Variants in ZDHHC17 observed in about 807,000 individuals in gnomAD.
ZDHHC17 encodes palmitoyltransferase ZDHHC17.
Under a neutral mutation model 90.3 loss-of-function variants are expected in ZDHHC17, and 40 were observed. The observed-to-expected ratio is 0.44, with a 90% CI of 0.34 to 0.58. The LOEUF is 0.58. Ranked by LOEUF, ZDHHC17 falls within the 20% of genes least tolerant of loss-of-function variation. ZDHHC17 has a pLI of 0.01. For synonymous variants in ZDHHC17, 235 were observed against 252.4 expected (o/e 0.93, Z 0.65); for missense variants, 614 against 780.8 (o/e 0.79, Z 2.55).
chr12:76,812,452 T>A (rs1953035938), intron 5 of ZDHHC17, among the ~76,000 whole-genome samples: 1 of 152,190 alleles, frequency 6.6e-6, no homozygotes, highest in Admixed American at 6.6e-5. Flanking sequence ...AGATGGTTGC[T>A]CAAATTTTAT....
At chr12:76,824,711 G>A (rs1170882914) in intron 8 of ZDHHC17, among the ~76,000 whole-genome samples, 19 of 151,864 alleles carry the variant, frequency 1.3e-4, no homozygotes, top group Admixed American at 1.2e-3. Flanking sequence ...CAGGCGTGGT[G>A]GTGCGCCTAT....
intron 1 of ZDHHC17, among the ~76,000 whole-genome samples, chr12:76,792,134 C>T (rs1952766085): frequency 6.6e-6 from 1 of 152,140 alleles, no homozygotes; most frequent in Non-Finnish European, 1.5e-5. Flanking sequence ...CTTGGTCATT[C>T]TAGTCACCAG....
chr12:76,821,380 T>TC (rs1953161197), intron 7 of ZDHHC17, among the ~76,000 whole-genome samples: 3 of 152,134 alleles, frequency 2.0e-5, no homozygotes. Flanking sequence ...GTGGCAGTGG[T>TC]GTGTTTTATT....
chr12:76,849,583 C>A, intron 16 of ZDHHC17, 113 bp downstream of exon 16: 1 of 623,906 alleles, frequency 1.6e-6, no homozygotes, highest in South Asian at 2.2e-5. Flanking sequence ...TTTAAGATTT[C>A]TGTAGAAATA....
chr12:76,805,568 C>A, intron 3 of ZDHHC17, 129 bp downstream of exon 3: 1 of 881,126 alleles, frequency 1.1e-6, no homozygotes, highest in Non-Finnish European at 1.7e-6. Context: ...TTCTGTGTAC[C>A]TTGTTTTTCT....
intron 3 of ZDHHC17, among the ~76,000 whole-genome samples, chr12:76,807,703 G>T (rs926766454): frequency 6.6e-6 from 1 of 152,158 alleles, no homozygotes; most frequent in Non-Finnish European, 1.5e-5. Flanking sequence ...ATTGCTCACT[G>T]ACATGGACCT....
At chr12:76,821,515 A>T (rs1398558958) in intron 7 of ZDHHC17, among the ~76,000 whole-genome samples, 2 of 152,072 alleles carry the variant, frequency 1.3e-5, no homozygotes, top group Non-Finnish European at 2.9e-5. Context: ...TTGGAAATAA[A>T]ATTTCAGTGG....
At chr12:76,839,583 A>C (rs1953407512) in intron 10 of ZDHHC17, among the ~76,000 whole-genome samples, 1 of 152,252 alleles carries the variant, frequency 6.6e-6, no homozygotes, top group Non-Finnish European at 1.5e-5. Flanking sequence ...AGACATCCAG[A>C]AAACATCCAA....
At chr12:76,849,323 CAAAAAAAAA>C in intron 15 of ZDHHC17, 44 bp from the exon 16 acceptor site, 8 of 452,122 alleles carry the variant, frequency 1.8e-5, no homozygotes, top group South Asian at 3.3e-5. Context: ...GGTCCTGTCT[CAAAAAAAAA>C]AAAAAAAAAC....
At chr12:76,827,134 G>A in intron 9 of ZDHHC17, 84 bp downstream of exon 9, 2 of 1,362,924 alleles carry the variant, frequency 1.5e-6, no homozygotes, top group South Asian at 1.6e-5. Flanking sequence ...ATGTTTGTAT[G>A]TTGTACATTT....
At chr12:76,775,563 C>T (rs1952549875) in intron 1 of ZDHHC17, among the ~76,000 whole-genome samples, 1 of 151,890 alleles carries the variant, frequency 6.6e-6, no homozygotes, top group African/African-American at 2.4e-5. Context: ...GTAAATAATC[C>T]TTCAATTAGT....
chr12:76,802,087 C>T (rs1428779557), intron 2 of ZDHHC17, among the ~76,000 whole-genome samples: 1 of 152,038 alleles, frequency 6.6e-6, no homozygotes, highest in Non-Finnish European at 1.5e-5. Context: ...GTCTAGTGTC[C>T]CTTAATTTCA....
At chr12:76,784,717 A>G (rs570461492) in intron 1 of ZDHHC17, among the ~76,000 whole-genome samples, 14 of 152,224 alleles carry the variant, frequency 9.2e-5, no homozygotes, top group Non-Finnish European at 2.1e-4. Flanking sequence ...TTGGCTGCAG[A>G]CAGGAGCAGA....
intron 1 of ZDHHC17, among the ~76,000 whole-genome samples, chr12:76,792,716 T>C (rs1221482866): frequency 6.6e-6 from 1 of 152,196 alleles, no homozygotes; most frequent in Non-Finnish European, 1.5e-5. Context: ...TCCAAGTGAC[T>C]ATAATTTTAA....
At chr12:76,832,785 C>T (rs896824854) in intron 10 of ZDHHC17, among the ~76,000 whole-genome samples, 7 of 152,316 alleles carry the variant, frequency 4.6e-5, no homozygotes, top group South Asian at 2.1e-4. Context: ...AGCACAACAG[C>T]GTGGCCCTAA....
At chr12:76,770,524 G>T (rs532271494) in intron 1 of ZDHHC17, among the ~76,000 whole-genome samples, 3 of 152,180 alleles carry the variant, frequency 2.0e-5, no homozygotes, top group Non-Finnish European at 4.4e-5. Flanking sequence ...ATAGATGAGG[G>T]AGAGTGTGTC....
chr12:76,782,271 G>A (rs12819975), intron 1 of ZDHHC17, among the ~76,000 whole-genome samples: 1 of 152,194 alleles, frequency 6.6e-6, no homozygotes, highest in African/African-American at 2.4e-5. Flanking sequence ...CTGGGTTGCA[G>A]AAAATAGTTA....
chr12:76,846,773 C>T (rs781361793), intron 14 of ZDHHC17, 94 bp downstream of exon 14: 7 of 1,126,626 alleles, frequency 6.2e-6, no homozygotes, highest in Non-Finnish European at 3.8e-6. Flanking sequence ...TGACAAAGGT[C>T]GTTTAACTAA....
In ZDHHC17 at chr12:76,852,134, A is replaced by T. The variant is rs1240649658; in HGVS notation, c.*1149A>T. Reference sequence around the variant, plus strand: ...AAAAATTTTCTTTTTGTTAAATGTGATGCACTGATCAATTTTTGTCACAGC... The same window carrying T: ...AAAAATTTTCTTTTTGTTAAATGTGTTGCACTGATCAATTTTTGTCACAGC... On this transcript the variant is annotated 3_prime_UTR_variant, in exon 17 of 17. Coordinates refer to ENST00000426126, the MANE Select transcript of ZDHHC17 (RefSeq NM_015336.4). 1.3e-5 allele frequency: 2 copies of T among 152,752 alleles called. No homozygotes were observed. The highest frequency in any genetic ancestry group is 4.1e-4 in the South Asian group (2 of 4,830). The allele number at this position is 152,752 out of a possible 1,614,324, so 9.5% of individuals were successfully genotyped here.
Sources: allele counts gnomAD v4.1 joint callset (sites outside exome capture counted in the v4.1 genomes callset), GRCh38; gene constraint gnomAD v4.1.1; transcripts MANE v1.5; gene names NCBI Gene and HGNC (gene_info 2026-07-23, HGNC 2026-07-21).